RSU1: variants seen among roughly 807,000 people sequenced by gnomAD.
RSU1 encodes rsu-1.
A neutral mutation model predicts 31.1 loss-of-function variants in RSU1; 26 were observed. The ratio of observed to expected loss-of-function variants is 0.84; its 90% CI spans 0.61 to 1.16. The LOEUF is 1.16. RSU1 is among the 50% of genes most tolerant of loss of function. RSU1 has a pLI of 0.00. For missense variants in RSU1, 320 were observed against 339.1 expected (o/e 0.94, Z 0.44); for synonymous variants, 164 against 136.3 (o/e 1.20, Z -1.41).
At chr10:16,679,524 T>G (rs908170423) in intron 8 of RSU1, among the ~76,000 whole-genome samples, 8 of 152,182 alleles carry the variant, frequency 5.3e-5, no homozygotes, top group Non-Finnish European at 1.0e-4. Context: ...TAGGGAAACC[T>G]TCCAAGAAAA....
chr10:16,647,355 G>A (rs11814335), intron 8 of RSU1, among the ~76,000 whole-genome samples: 2,438 of 152,234 alleles, frequency 0.016, 64 homozygotes, highest in African/African-American at 0.055. Context: ...CTCCTCAAAC[G>A]GTTAAACATA....
At chr10:16,799,803 C>A (rs563729443) in intron 2 of RSU1, among the ~76,000 whole-genome samples, 1 of 152,110 alleles carries the variant, frequency 6.6e-6, no homozygotes, top group Non-Finnish European at 1.5e-5. Flanking sequence ...AACTCCAGCC[C>A]GCTCACACCT....
chr10:16,811,790 CCTT>C (rs975290846), intron 2 of RSU1, among the ~76,000 whole-genome samples: 1 of 152,210 alleles, frequency 6.6e-6, no homozygotes, highest in Non-Finnish European at 1.5e-5. Flanking sequence ...AGTACATGCT[CCTT>C]CTCCAGAGCT....
chr10:16,795,547 C>G (rs1838013195), intron 2 of RSU1, among the ~76,000 whole-genome samples: 1 of 152,020 alleles, frequency 6.6e-6, no homozygotes, highest in African/African-American at 2.4e-5. Context: ...AAATGAGACA[C>G]AAGAGGTTAT....
At chr10:16,652,392 CAA>C (rs71505091) in intron 8 of RSU1, among the ~76,000 whole-genome samples, 7,974 of 89,072 alleles carry the variant, frequency 0.09, 650 homozygotes, top group African/African-American at 0.26. Flanking sequence ...TGCCCCAAAG[CAA>C]AAAAAAAAAA....
chr10:16,740,208 A>G (rs1836723577), intron 7 of RSU1, among the ~76,000 whole-genome samples: 1 of 152,166 alleles, frequency 6.6e-6, no homozygotes, highest in African/African-American at 2.4e-5. Context: ...ATTTTAAGTA[A>G]AATACTAACA....
intron 8 of RSU1, among the ~76,000 whole-genome samples, chr10:16,674,936 G>C (rs1028103572): frequency 5.3e-5 from 8 of 152,164 alleles, no homozygotes; most frequent in African/African-American, 1.2e-4. Context: ...GGGAGGCTGA[G>C]GCAGGAGCAT....
chr10:16,783,270 A>T (rs1228400303), intron 2 of RSU1, among the ~76,000 whole-genome samples: 1 of 151,914 alleles, frequency 6.6e-6, no homozygotes, highest in Non-Finnish European at 1.5e-5. Flanking sequence ...CCTTAAACGG[A>T]TAAGATAAAA....
intron 8 of RSU1, among the ~76,000 whole-genome samples, chr10:16,638,211 G>T (rs1834379111): frequency 6.6e-6 from 1 of 152,094 alleles, no homozygotes; most frequent in African/African-American, 2.4e-5. Context: ...CTGCAAGCTG[G>T]GTCGGCTCCC....
intron 3 of RSU1, among the ~76,000 whole-genome samples, chr10:16,770,548 T>C (rs1837404998): frequency 6.6e-6 from 1 of 152,240 alleles, no homozygotes; most frequent in Non-Finnish European, 1.5e-5. Context: ...CCAACTGTTT[T>C]TGCAGAAGCA....
Position 16,770,781 on chromosome 10 carries a change from G to A in RSU1, c.161-6271C>T, listed in dbSNP as rs553092307. 4.6e-5 allele frequency among the ~76,000 whole-genome samples: 7 copies of A among 152,334 alleles called. No individual in the cohort carries two copies. In the South Asian group the frequency reaches 6.2e-4, roughly 14 times the overall value. Reference sequence around the variant, plus strand: ...GGGCCAGGACAGCAGGTGGCATCGCGGCATGTCCGCCCTTGTGCTGCAATG... The same window carrying A: ...GGGCCAGGACAGCAGGTGGCATCGCAGCATGTCCGCCCTTGTGCTGCAATG... On this transcript the variant is annotated intron_variant, in intron 3 of 8. Coordinates refer to ENST00000345264, the MANE Select transcript of RSU1 (RefSeq NM_012425.4).
rs1289193287 is a variant in RSU1 at position 16,790,750 on chromosome 10, GGTGA to G, written c.110-8670_110-8667del. ...GATTCCCCCTTGCTTTTCTCATGAT[GGTGA>G]GTGAGTTCTCACCAGATCTGGTTGT... On this transcript the variant is annotated intron_variant, in intron 2 of 8. Coordinates refer to ENST00000345264, the MANE Select transcript of RSU1 (RefSeq NM_012425.4). Among the ~76,000 whole-genome samples the G allele has an allele frequency of 3.3e-5, 5 of 152,142 alleles. No individual in the cohort carries two copies. The East Asian group carries it at 7.7e-4, about 23-fold the overall frequency.
rs144833146 is a variant in RSU1, at chr10:16,753,222, G to A, written c.401-222C>T. Among the ~76,000 whole-genome samples the A allele has an allele frequency of 2.2e-3, 341 of 152,254 alleles. 7 individuals are homozygous for A. The highest frequency in any genetic ancestry group is 7.2e-4 in the Non-Finnish European group (49 of 68,016). ...AACATCTATATCCAAGAGGAATGAC[G>A]CAATTAACAACTGTGGGCGCCAGCA... On this transcript the variant is annotated intron_variant, in intron 5 of 8. Coordinates refer to ENST00000345264, the MANE Select transcript of RSU1 (RefSeq NM_012425.4).
rs573733167 is a variant in RSU1 at position 16,599,997 on chromosome 10, G to A, written c.732-6501C>T. Among the ~76,000 whole-genome samples the A allele has an allele frequency of 6.6e-5, 10 of 152,286 alleles. No homozygotes were observed. The South Asian group carries it at 8.3e-4, about 13-fold the overall frequency. On this transcript the variant is annotated intron_variant, in intron 8 of 8. Coordinates refer to ENST00000345264, the MANE Select transcript of RSU1 (RefSeq NM_012425.4). ...AAACCCTTTGACATGGAACCCTAGA[G>A]CATCTCTCCCCTGATAGCCGGGATT... is the stretch of plus-strand genomic sequence containing the variant.
At chr10:16,693,917 C>T (rs536292639) in intron 8 of RSU1, among the ~76,000 whole-genome samples, 2 of 152,076 alleles carry the variant, frequency 1.3e-5, no homozygotes, top group East Asian at 3.9e-4. Context: ...ATGTCAGACA[C>T]AAAAACAGAT....
At chr10:16,645,676 G>A (rs180921981) in intron 8 of RSU1, among the ~76,000 whole-genome samples, 29 of 151,006 alleles carry the variant, frequency 1.9e-4, no homozygotes, top group South Asian at 1.3e-3. Flanking sequence ...GGCGTGTGGC[G>A]CACACCTGTA....
At chr10:16,634,503 C>T (rs1203121904) in intron 8 of RSU1, among the ~76,000 whole-genome samples, 1 of 152,194 alleles carries the variant, frequency 6.6e-6, no homozygotes, top group Non-Finnish European at 1.5e-5. Context: ...TATCACCTTA[C>T]AATGGTTTTT....
At chr10:16,757,677 T>A (rs1452031957) in intron 4 of RSU1, among the ~76,000 whole-genome samples, 1 of 152,154 alleles carries the variant, frequency 6.6e-6, no homozygotes, top group Non-Finnish European at 1.5e-5. Context: ...CAGAAGTGAC[T>A]GATGAAGGCG....
chr10:16,650,791 C>G (rs1834671623), intron 8 of RSU1, among the ~76,000 whole-genome samples: 1 of 151,974 alleles, frequency 6.6e-6, no homozygotes, highest in Non-Finnish European at 1.5e-5. Flanking sequence ...CCGTGTTAAC[C>G]AGGATGGTCT....
Sources: allele counts gnomAD v4.1 joint callset (sites outside exome capture counted in the v4.1 genomes callset), GRCh38; gene constraint gnomAD v4.1.1; transcripts MANE v1.5; gene names NCBI Gene and HGNC (gene_info 2026-07-23, HGNC 2026-07-21).